The following CHRM4 variants were observed in gnomAD, a reference collection of about 807,000 sequenced individuals.
CHRM4 encodes the protein muscarinic acetylcholine receptor M4.
In CHRM4, 5 loss-of-function variants were observed where a neutral mutation model predicts 26.3. That is an observed-to-expected ratio of 0.19 (90% CI 0.10 to 0.40). The LOEUF is 0.40. Among genes scored for constraint, CHRM4 ranks in the 10% least tolerant of loss-of-function variants. The pLI is 1.00. For missense variants in CHRM4, 402 were observed against 664.5 expected (o/e 0.60, Z 4.34); for synonymous variants, 290 against 285.3 (o/e 1.02, Z -0.16).
chr11:46,386,348 G>A lies in CHRM4; in HGVS notation c.210C>T (p.Phe70=). ...GATCAGCACACGCCAGGCTGAAGAG[G>A]AAGTAGTTGTTGACTGTCTGCAGCT... is the stretch of plus-strand genomic sequence containing the variant. The part of the protein sequence containing the change: ...NRQLQTVNNY[F]LFSLACADLI... Residue 70 remains phenylalanine (F), a synonymous_variant, in exon 2 of 2, where the codon TTC becomes TTT. Coordinates refer to ENST00000682254, the MANE Select transcript of CHRM4 (RefSeq NM_000741.5). The surrounding 1 kb of genome is among the most constrained non-coding windows in gnomAD (Gnocchi z 5.8). 1 of 1,614,020 alleles carries A rather than the reference G, an allele frequency of 6.2e-7. No individual in the cohort carries two copies. Among genetic ancestry groups the A allele is most frequent in the Non-Finnish European group, 8.5e-7 (1 of 1,179,940 alleles).
rs1032394799 is a variant in CHRM4, at chr11:46,391,644, G to A, written c.-143C>T. ...CCGCCGCCTCTGCCCAGCTCCCCTC[G>A]CGCCAGACAGACGGCGGGACGGACG... On this transcript the variant is annotated 5_prime_UTR_variant, in exon 1 of 2. Coordinates refer to ENST00000682254, the MANE Select transcript of CHRM4 (RefSeq NM_000741.5). The surrounding 1 kb of genome is among the most constrained non-coding windows in gnomAD (Gnocchi z 6.3). Among the ~76,000 whole-genome samples, 4 of 150,508 alleles carry A rather than the reference G, an allele frequency of 2.7e-5. No individual in the cohort carries two copies. The highest frequency in any genetic ancestry group is 9.7e-5 in the African/African-American group (4 of 41,178).
chr11:46,385,421 G>C lies in CHRM4; in HGVS notation c.1137C>G (p.Ser379Arg). The change falls in exon 2 of 2, where the codon AGC (serine) becomes AGG (arginine). Residue 379 changes from serine to arginine, a missense_variant. Coordinates refer to ENST00000682254, the MANE Select transcript of CHRM4 (RefSeq NM_000741.5). This position sits in a 1 kb window ranked among gnomAD's most constrained non-coding sequence, Gnocchi z 6.3. Reference sequence around the variant, plus strand: ...TCTTGCGCACCTGGTTGCGAGCGATGCTGGCGAACTTGCGGGCCACGTTGG... The same window carrying C: ...TCTTGCGCACCTGGTTGCGAGCGATCCTGGCGAACTTGCGGGCCACGTTGG... Reference protein sequence around the residue: ...PAANVARKFASIARNQVRKKR... With the variant: ...PAANVARKFARIARNQVRKKR... 4 of 1,609,112 alleles carry C rather than the reference G, an allele frequency of 2.5e-6. No individual in the cohort carries two copies. The highest frequency in any genetic ancestry group is 3.4e-6 in the Non-Finnish European group (4 of 1,176,042).
At chr11:46,388,473 C>T (rs1336787597) in intron 1 of CHRM4, among the ~76,000 whole-genome samples, 1 of 152,260 alleles carries the variant, frequency 6.6e-6, no homozygotes, top group Non-Finnish European at 1.5e-5. Flanking sequence ...AGGGTAACTG[C>T]CCCAAGTCTG....
chr11:46,388,347 C>G (rs1433884093), intron 1 of CHRM4, among the ~76,000 whole-genome samples: 1 of 152,254 alleles, frequency 6.6e-6, no homozygotes, highest in African/African-American at 2.4e-5. Flanking sequence ...TTCTCATTTG[C>G]AGAATAGAGA....
In CHRM4 at chr11:46,385,798, C is replaced by T. The variant is rs200034468; in HGVS notation, c.760G>A (p.Val254Ile). Residue 254 changes from valine (V) to isoleucine (I), a missense_variant, in exon 2 of 2, where the codon GTC (valine) becomes ATC (isoleucine). Coordinates refer to ENST00000682254, the MANE Select transcript of CHRM4 (RefSeq NM_000741.5). The surrounding 1 kb of genome is among the most constrained non-coding windows in gnomAD (Gnocchi z 6.3). ...GCCTCCCCGGGCGGGGGCTTCTTGA[C>T]GCTCTGCTTCATTAGTGGGCTCTTG... ...FLKSPLMKQS[V>I]KKPPPGEAAR... is the part of the protein sequence containing the mutation. 205 of 1,595,496 alleles carry T rather than the reference C, an allele frequency of 1.3e-4. No individual in the cohort carries two copies. The highest frequency in any genetic ancestry group is 8.0e-4 in the African/African-American group (60 of 74,684).
Position 46,386,738 on chromosome 11 carries a change from C to G in CHRM4, c.-29-152G>C, listed in dbSNP as rs1262920219. 3 of 745,404 alleles carry G rather than the reference C, an allele frequency of 4.0e-6. No individual in the cohort carries two copies. Among genetic ancestry groups the G allele is most frequent in the African/African-American group, 1.8e-5 (1 of 56,522 alleles). The allele number at this position is 745,404 out of a possible 1,614,324, so 46.2% of individuals were successfully genotyped here. On this transcript the variant is annotated intron_variant, in intron 1 of 1. Transcript: ENST00000682254. The surrounding 1 kb of genome is among the most constrained non-coding windows in gnomAD (Gnocchi z 5.8). ...GCCATCCCGCATTTGCCCATTCATT[C>G]AACATTAATTGAGCACCTACTATGT... is the stretch of plus-strand genomic sequence containing the variant.
In CHRM4 at chr11:46,386,998, C is replaced by A. The variant is rs1459057252; in HGVS notation, c.-29-412G>T. ...GGAGGAGCTGTGGAGAGTGGCCCTG[C>A]CAGGGGCAGTAGCCACAGCAAAGGC... On this transcript the variant is annotated intron_variant, in intron 1 of 1. Coordinates refer to ENST00000682254, the MANE Select transcript of CHRM4 (RefSeq NM_000741.5). This position sits in a 1 kb window ranked among gnomAD's most constrained non-coding sequence, Gnocchi z 5.8. Among the ~76,000 whole-genome samples, 3 of 143,336 alleles carry A rather than the reference C, an allele frequency of 2.1e-5. No homozygotes were observed. The highest frequency in any genetic ancestry group is 4.8e-5 in the Non-Finnish European group (3 of 62,426). 94.0% of individuals were successfully genotyped at this position (143,336 alleles called of 152,430 possible). A position where few individuals can be genotyped will look rare whatever the true frequency, so the allele number is the denominator to read the frequency against.
rs1945343731 is a variant in CHRM4 at position 46,386,577 on chromosome 11, T to C, written c.-20A>G. The stretch of plus-strand genomic sequence containing the variant: ...GGCCATGTTGGTTGCCAGGGGTGGG[T>C]AGGCCGTGTCTGGGGAGGAAGGGGA... On this transcript the variant is annotated 5_prime_UTR_variant, in exon 2 of 2. Coordinates refer to ENST00000682254, the MANE Select transcript of CHRM4 (RefSeq NM_000741.5). The surrounding 1 kb of genome is among the most constrained non-coding windows in gnomAD (Gnocchi z 5.8). 6.2e-7 allele frequency: 1 copy of C among 1,603,814 alleles called. No homozygotes were observed. The highest frequency in any genetic ancestry group is 1.3e-5 in the African/African-American group (1 of 74,762).
intron 1 of CHRM4, among the ~76,000 whole-genome samples, chr11:46,389,038 T>C (rs1945368970): frequency 6.6e-6 from 1 of 152,218 alleles, no homozygotes. Context: ...CAGATGTAAA[T>C]ATCCTCTTAT....
At chr11:46,390,452 G>C (rs1945381294) in intron 1 of CHRM4, among the ~76,000 whole-genome samples, 1 of 152,258 alleles carries the variant, frequency 6.6e-6, no homozygotes. Context: ...ATTGCCAAAA[G>C]CCGCCCATTC....
At chr11:46,388,405 C>G (rs1945362575) in intron 1 of CHRM4, among the ~76,000 whole-genome samples, 1 of 152,222 alleles carries the variant, frequency 6.6e-6, no homozygotes, top group Non-Finnish European at 1.5e-5. Flanking sequence ...GGATTGGCAC[C>G]TAAACTTGAT....
intron 1 of CHRM4, among the ~76,000 whole-genome samples, chr11:46,388,105 G>A (rs1011929560): frequency 3.2e-4 from 49 of 152,152 alleles, no homozygotes; most frequent in African/African-American, 1.0e-3. Context: ...CAGGGCAGCC[G>A]CTCAGCCCAG....
rs1945335375 is a variant in CHRM4, at chr11:46,385,900, G to A, written c.658C>T (p.Leu220=). 6.2e-7 allele frequency: 1 copy of A among 1,611,370 alleles called. No homozygotes were observed. The highest frequency in any genetic ancestry group is 2.2e-5 in the East Asian group (1 of 44,808). The change falls in exon 2 of 2, where the codon CTG becomes TTG. Residue 220 remains leucine (L), a synonymous_variant. Coordinates refer to ENST00000682254, the MANE Select transcript of CHRM4 (RefSeq NM_000741.5). The surrounding 1 kb of genome is among the most constrained non-coding windows in gnomAD (Gnocchi z 6.3). ...TTGTGGACTCGGCTGCGACTGGCCA[G>A]GGAGATGTGGATGTACAGCACCGTC... ...IMTVLYIHIS[L]ASRSRVHKHR...
rs747060606 is a variant in CHRM4, at chr11:46,385,846, T to G, written c.712A>C (p.Lys238Gln). ...KHRPEGPKEK[K>Q]AKTLAFLKSP... ...TTGAGGAAGGCCAGCGTCTTGGCTT[T>G]CTTCTCCTTCGGGCCCTCGGGCCGG... Residue 238 changes from lysine (K) to glutamine (Q), a missense_variant, in exon 2 of 2, where the codon AAA (lysine) becomes CAA (glutamine). Physicochemically the swap from Lys to Gln is moderately conservative, Grantham distance 53. Coordinates refer to ENST00000682254, the MANE Select transcript of CHRM4 (RefSeq NM_000741.5). The surrounding 1 kb of genome is among the most constrained non-coding windows in gnomAD (Gnocchi z 6.3). 1 of 1,605,240 alleles carries G rather than the reference T, an allele frequency of 6.2e-7. No individual in the cohort carries two copies. The highest frequency in any genetic ancestry group is 1.1e-5 in the South Asian group (1 of 90,000).
At position 46,386,541 on chromosome 11, in the gene CHRM4, G is replaced by C; in HGVS notation, c.17C>G (p.Pro6Arg). MANFT[P>R]VNGSSGNQSV... is the part of the protein sequence containing the mutation. ...CTGATTGCCCGAGCTGCCATTGACA[G>C]GTGTGAAGTTGGCCATGTTGGTTGC... Residue 6 changes from proline (P) to arginine (R), a missense_variant, in exon 2 of 2, where the codon CCT becomes CGT. Physicochemically the swap from Pro to Arg is moderately radical, Grantham distance 103 (BLOSUM62 -2). Around this residue, in one of 5 missense-constraint regions of CHRM4, gnomAD observed 92 missense variants for 133.1 expected, o/e 0.69. Coordinates refer to ENST00000682254, the MANE Select transcript of CHRM4 (RefSeq NM_000741.5). The surrounding 1 kb of genome is among the most constrained non-coding windows in gnomAD (Gnocchi z 5.8). The C allele has an allele frequency of 6.2e-7, 1 of 1,609,558 alleles. No individual in the cohort carries two copies. Among genetic ancestry groups the C allele is most frequent in the Non-Finnish European group, 8.5e-7 (1 of 1,176,544 alleles).
intron 1 of CHRM4, among the ~76,000 whole-genome samples, chr11:46,389,988 CATGCGT>C (rs1166650183): frequency 1.3e-5 from 2 of 152,230 alleles, no homozygotes; most frequent in African/African-American, 4.8e-5. Context: ...CGTGCATGTG[CATGCGT>C]GTGCGTGCCT....
Position 46,385,636 on chromosome 11 carries a change from G to C in CHRM4, c.922C>G (p.Arg308Gly). The change falls in exon 2 of 2, where the codon CGC becomes GGC. Residue 308 changes from arginine to glycine, a missense_variant. Transcript: ENST00000682254. The surrounding 1 kb of genome is among the most constrained non-coding windows in gnomAD (Gnocchi z 6.3). ...GTGGTGGACAGCTCTGTGGCTGGGC[G>C]TTCCTTGGTGTTCTGGGTGGCACTG... Reference protein sequence around the residue: ...SGSATQNTKERPATELSTTEA... With the variant: ...SGSATQNTKEGPATELSTTEA... The C allele has an allele frequency of 6.5e-7, 1 of 1,533,162 alleles. No individual in the cohort carries two copies. The highest frequency in any genetic ancestry group is 8.8e-7 in the Non-Finnish European group (1 of 1,140,970). The allele number at this position is 1,533,162 out of a possible 1,614,324, so 95.0% of individuals were successfully genotyped here.
chr11:46,384,548 CGG>C lies in CHRM4; in HGVS notation c.*568_*569del, dbSNP rs779213887. 5.9e-5 allele frequency among the ~76,000 whole-genome samples: 9 copies of C among 152,132 alleles called. No individual in the cohort carries two copies. The highest frequency in any genetic ancestry group is 1.3e-4 in the Non-Finnish European group (9 of 68,018). ...TGTGACAAGGGCAGTGCTGCTGGGG[CGG>C]GGGGGACCTGGCCTCCATCATACCC... On this transcript the variant is annotated 3_prime_UTR_variant, in exon 2 of 2. Transcript: ENST00000682254.
At position 46,383,984 on chromosome 11, in the gene CHRM4, C is replaced by CTTTTTT; in HGVS notation, c.*1133_*1134insAAAAAA. The CTTTTTT allele has an allele frequency of 4.4e-6, 1 of 227,366 alleles. No individual in the cohort carries two copies. Among genetic ancestry groups the CTTTTTT allele is most frequent in the Non-Finnish European group, 8.9e-6 (1 of 112,242 alleles). The allele number at this position is 227,366 out of a possible 1,614,324, so 14.1% of individuals were successfully genotyped here. A position where few individuals can be genotyped will look rare whatever the true frequency, so the allele number is the denominator to read the frequency against. On this transcript the variant is annotated 3_prime_UTR_variant, in exon 2 of 2. Transcript: ENST00000682254. ...AGCAGAACAATTACAAACATTTCTTCCAGGGCCCCTGAAAGGGTGCTCCCC... is the reference window on the plus strand; with the variant it reads ...AGCAGAACAATTACAAACATTTCTTCTTTTTTCAGGGCCCCTGAAAGGGTGCTCCCC...
Sources: allele counts gnomAD v4.1 joint callset (sites outside exome capture counted in the v4.1 genomes callset), GRCh38; gene constraint gnomAD v4.1.1; regional missense constraint gnomAD v4.1.1; non-coding constraint Gnocchi (gnomAD v3.1); transcripts MANE v1.5; gene names NCBI Gene and HGNC (gene_info 2026-07-23, HGNC 2026-07-21).